Variants in RALYL observed in about 807,000 individuals in gnomAD.
RALYL encodes RALY RNA binding protein like.
In RALYL, 29 loss-of-function variants were observed where a neutral mutation model predicts 35.1. The ratio of observed to expected loss-of-function variants is 0.83; its 90% CI spans 0.61 to 1.13. RALYL has a LOEUF of 1.13. Among genes scored for constraint, RALYL ranks in the 50% most tolerant of loss-of-function variants. The pLI, the probability that RALYL is intolerant of heterozygous loss-of-function variation, is 0.00. For synonymous variants in RALYL, 120 were observed against 127.6 expected (o/e 0.94, Z 0.40); for missense variants, 359 against 360.4 (o/e 1.00, Z 0.03).
At chr8:84,633,377 A>C (rs766052558) in intron 2 of RALYL, among the ~76,000 whole-genome samples, 1 of 151,752 alleles carries the variant, frequency 6.6e-6, no homozygotes, top group Non-Finnish European at 1.5e-5. Flanking sequence ...TTCCCCCCTG[A>C]CTTTAAAAAA....
At chr8:84,440,321 A>G (rs2048199260) in intron 1 of RALYL, among the ~76,000 whole-genome samples, 1 of 152,052 alleles carries the variant, frequency 6.6e-6, no homozygotes, top group South Asian at 2.1e-4. Context: ...CATGTCCCTA[A>G]CTTTGTGAGA....
chr8:84,451,202 A>G (rs761715545), intron 1 of RALYL, among the ~76,000 whole-genome samples: 1 of 152,048 alleles, frequency 6.6e-6, no homozygotes, highest in Non-Finnish European at 1.5e-5. Flanking sequence ...CTAATATTCC[A>G]ACTATATTTC....
At chr8:84,584,014 A>G (rs1811426190) in intron 2 of RALYL, among the ~76,000 whole-genome samples, 1 of 152,138 alleles carries the variant, frequency 6.6e-6, no homozygotes, top group Non-Finnish European at 1.5e-5. Context: ...GGGTACATGA[A>G]ATGTTTTGAT....
intron 1 of RALYL, among the ~76,000 whole-genome samples, chr8:84,464,838 T>G (rs2051338602): frequency 6.9e-6 from 1 of 144,186 alleles, no homozygotes; most frequent in Admixed American, 7.0e-5. Flanking sequence ...CCATTCTAAC[T>G]GGTGTGAGAT....
chr8:84,904,326 T>C (rs1366289467), intron 8 of RALYL, among the ~76,000 whole-genome samples: 1 of 152,194 alleles, frequency 6.6e-6, no homozygotes, highest in Non-Finnish European at 1.5e-5. Context: ...GAGCACAAGG[T>C]AAATTTTGTT....
intron 1 of RALYL, among the ~76,000 whole-genome samples, chr8:84,286,857 G>T (rs753060373): frequency 1.3e-5 from 2 of 152,162 alleles, no homozygotes; most frequent in Non-Finnish European, 2.9e-5. Context: ...TTAGAGCAAA[G>T]AATGGCAGTC....
chr8:84,568,064 T>A (rs1478058644), intron 2 of RALYL, among the ~76,000 whole-genome samples: 1 of 151,852 alleles, frequency 6.6e-6, no homozygotes, highest in Non-Finnish European at 1.5e-5. Context: ...TTATTATTAT[T>A]ATACTTTAGG....
chr8:84,730,184 C>G (rs1007587385), intron 2 of RALYL, among the ~76,000 whole-genome samples: 1 of 152,000 alleles, frequency 6.6e-6, no homozygotes, highest in Admixed American at 6.6e-5. Flanking sequence ...AGCTTATCCA[C>G]CATGATCAAG....
Position 84,452,233 on chromosome 8 carries a change from C to CTT in RALYL, c.-23-77054_-23-77053dup, listed in dbSNP as rs35835472. Among the ~76,000 whole-genome samples the CTT allele has an allele frequency of 1.4e-3, 208 of 144,260 alleles. 1 individual carries two copies. Among genetic ancestry groups the CTT allele is most frequent in the South Asian group, 2.4e-3 (11 of 4,624 alleles). The allele number at this position is 144,260 out of a possible 152,430, so 94.6% of individuals were successfully genotyped here. ...ACAGCTTGGTTTGTTGTTGATACTA[C>CTT]TTTTTTTTTTTTTCCCCTAAGTTGC... is the stretch of plus-strand genomic sequence containing the variant. On this transcript the variant is annotated intron_variant, in intron 1 of 8. Coordinates refer to ENST00000521268, the MANE Select transcript of RALYL (RefSeq NM_173848.7).
intron 1 of RALYL, among the ~76,000 whole-genome samples, chr8:84,523,144 T>C (rs2134725101): frequency 6.6e-6 from 1 of 152,234 alleles, no homozygotes; most frequent in South Asian, 2.1e-4. Context: ...AGACTGGAAT[T>C]GATAAAGGAA....
rs543324360 is a variant in RALYL, at chr8:84,769,932, C to T, written c.257-4647C>T. ...CTCTTACCACCCAATTTAAGAAATA[C>T]TACCTTACTATTAACTTTAATGTCT... On this transcript the variant is annotated intron_variant, in intron 2 of 8. Coordinates refer to ENST00000521268, the MANE Select transcript of RALYL (RefSeq NM_173848.7). 5.3e-5 allele frequency among the ~76,000 whole-genome samples: 8 copies of T among 152,206 alleles called. No homozygotes were observed. In the South Asian group the frequency reaches 1.5e-3, roughly 28 times the overall value.
At chr8:84,679,534 A>C (rs1834927941) in intron 2 of RALYL, 1 of 367,968 alleles carries the variant, frequency 2.7e-6, no homozygotes, top group Admixed American at 3.6e-5. Context: ...ATATCTGCAA[A>C]GGGGCTGGAA....
chr8:84,650,478 C>T (rs1350163889), intron 2 of RALYL, among the ~76,000 whole-genome samples: 9 of 151,938 alleles, frequency 5.9e-5, no homozygotes, highest in Non-Finnish European at 8.8e-5. Flanking sequence ...AAAATGCTCA[C>T]CATCACTGGC....
chr8:84,282,806 A>C (rs1265557508), intron 1 of RALYL, among the ~76,000 whole-genome samples: 1 of 151,386 alleles, frequency 6.6e-6, no homozygotes. Flanking sequence ...TAGATCTATA[A>C]AATCAGTTGA....
At chr8:84,346,850 T>C (rs73294929) in intron 1 of RALYL, among the ~76,000 whole-genome samples, 8,980 of 152,168 alleles carry the variant, frequency 0.059, 343 homozygotes, top group African/African-American at 0.065. Context: ...CTTAAGACCA[T>C]ACACAAATAA....
chr8:84,729,044 G>T (rs1309786320), intron 2 of RALYL, among the ~76,000 whole-genome samples: 1 of 152,128 alleles, frequency 6.6e-6, no homozygotes, highest in Non-Finnish European at 1.5e-5. Context: ...GGATGGCATT[G>T]AATCTATGAA....
intron 1 of RALYL, among the ~76,000 whole-genome samples, chr8:84,490,079 A>ATGTGTGTGTGTGTGTGTGTG (rs143193843): frequency 6.9e-6 from 1 of 144,366 alleles, no homozygotes. Flanking sequence ...GCTTGCGTGC[A>ATGTGTGTGTGTGTGTGTGTG]TGTGTGTGTG....
At chr8:84,812,245 G>A (rs181977516) in intron 4 of RALYL, among the ~76,000 whole-genome samples, 47 of 152,160 alleles carry the variant, frequency 3.1e-4, no homozygotes, top group Admixed American at 2.0e-3. Flanking sequence ...CCTGTGAGCC[G>A]AACTACACTG....
intron 4 of RALYL, 36 bp downstream of exon 4, chr8:84,804,838 T>C: frequency 1.0e-6 from 1 of 993,640 alleles, no homozygotes; most frequent in Non-Finnish European, 1.3e-6. Flanking sequence ...GTATTAATTA[T>C]TTAATTCAAA....
Sources: allele counts gnomAD v4.1 joint callset (sites outside exome capture counted in the v4.1 genomes callset), GRCh38; gene constraint gnomAD v4.1.1; transcripts MANE v1.5; gene names NCBI Gene and HGNC (gene_info 2026-07-23, HGNC 2026-07-21).